CXCR5: variants seen among roughly 807,000 people sequenced by gnomAD.
CXCR5 encodes the protein C-X-C chemokine receptor type 5.
Under a neutral mutation model 5.6 loss-of-function variants are expected in CXCR5, and 3 were observed. The observed-to-expected ratio is 0.54, with a 90% CI of 0.24 to 1.39. The LOEUF is 1.39. Ranked by LOEUF, CXCR5 falls within the 40% of genes most tolerant of loss-of-function variation. The pLI, the probability that CXCR5 is intolerant of heterozygous loss-of-function variation, is 0.16. For synonymous variants in CXCR5, 218 were observed against 219.9 expected (o/e 0.99, Z 0.08); for missense variants, 333 against 494.6 (o/e 0.67, Z 3.10).
At chr11:118,889,839 G>A (rs1294409260) in intron 1 of CXCR5, among the ~76,000 whole-genome samples, 1 of 152,188 alleles carries the variant, frequency 6.6e-6, no homozygotes, top group Non-Finnish European at 1.5e-5. Context: ...ATGTCCCACT[G>A]CATTGACTTT....
Position 118,893,515 on chromosome 11 carries a change from C to A in CXCR5, c.52-81C>A. 6.7e-7 allele frequency: 1 copy of A among 1,499,152 alleles called. No homozygotes were observed. The highest frequency in any genetic ancestry group is 2.3e-5 in the East Asian group (1 of 43,664). The allele number at this position is 1,499,152 out of a possible 1,614,324, so 92.9% of individuals were successfully genotyped here. A position where few individuals can be genotyped will look rare whatever the true frequency, so the allele number is the denominator to read the frequency against. ...TCAGTGGGCCCTATGTAGGAAAAAA[C>A]CTCCAAGAGAGCTAGGGTTCCTCTC... On this transcript the variant is annotated intron_variant, in intron 1 of 1. Transcript: ENST00000292174. The surrounding 1 kb of genome is among the most constrained non-coding windows in gnomAD (Gnocchi z 5.7).
Position 118,894,825 on chromosome 11 carries a change from A to C in CXCR5, c.*162A>C. On this transcript the variant is annotated 3_prime_UTR_variant, in exon 2 of 2. Coordinates refer to ENST00000292174, the MANE Select transcript of CXCR5 (RefSeq NM_001716.5). This position sits in a 1 kb window ranked among gnomAD's most constrained non-coding sequence, Gnocchi z 6.1. ...AGAGGAACCAACCCCCATTTCTAGA[A>C]CATCCCTGCCAGCTCTTCTGCCGGC... The C allele has an allele frequency of 3.3e-6, 2 of 609,004 alleles. No homozygotes were observed. The highest frequency in any genetic ancestry group is 5.1e-6 in the Non-Finnish European group (2 of 388,568). The allele number at this position is 609,004 out of a possible 1,614,324, so 37.7% of individuals were successfully genotyped here. A position where few individuals can be genotyped will look rare whatever the true frequency, so the allele number is the denominator to read the frequency against.
rs759390793 is a variant in CXCR5, at chr11:118,897,691, T to A, written c.*3028T>A. The A allele has an allele frequency of 2.3e-6, 1 of 430,222 alleles. No homozygotes were observed. The allele number at this position is 430,222 out of a possible 1,614,324, so 26.7% of individuals were successfully genotyped here. Reference sequence around the variant, plus strand: ...CAGTGGGTGGCCATGTAGGGCTGCATGTCCCTGGGTCCAGGGGAATGGAGG... The same window carrying A: ...CAGTGGGTGGCCATGTAGGGCTGCAAGTCCCTGGGTCCAGGGGAATGGAGG... On this transcript the variant is annotated 3_prime_UTR_variant, in exon 2 of 2. Coordinates refer to ENST00000292174, the MANE Select transcript of CXCR5 (RefSeq NM_001716.5).
rs1029277859 is a variant in CXCR5 at position 118,897,450 on chromosome 11, C to T, written c.*2787C>T. On this transcript the variant is annotated 3_prime_UTR_variant, in exon 2 of 2. Coordinates refer to ENST00000292174, the MANE Select transcript of CXCR5 (RefSeq NM_001716.5). ...GTGGAAAGCCAGGGCCCCGTGTCAC[C>T]GGTGTGGGCAAACACACATGCACGT... 1.9e-5 allele frequency: 4 copies of T among 209,332 alleles called. No homozygotes were observed. The highest frequency in any genetic ancestry group is 1.1e-4 in the Admixed American group (2 of 18,592). The allele number at this position is 209,332 out of a possible 1,614,324, so 13.0% of individuals were successfully genotyped here. A position where few individuals can be genotyped will look rare whatever the true frequency, so the allele number is the denominator to read the frequency against.
chr11:118,884,406 T>C (rs538924328), intron 1 of CXCR5, among the ~76,000 whole-genome samples: 2 of 152,326 alleles, frequency 1.3e-5, no homozygotes, highest in South Asian at 4.1e-4. Flanking sequence ...AATGAATGCA[T>C]AGCTGTTCGT....
chr11:118,888,238 T>C (rs1939749066), intron 1 of CXCR5, among the ~76,000 whole-genome samples: 1 of 152,144 alleles, frequency 6.6e-6, no homozygotes, highest in African/African-American at 2.4e-5. Context: ...ATCTCATTGC[T>C]GGACAGTTCT....
At chr11:118,888,737 A>G (rs1309914312) in intron 1 of CXCR5, among the ~76,000 whole-genome samples, 1 of 152,130 alleles carries the variant, frequency 6.6e-6, no homozygotes, top group African/African-American at 2.4e-5. Flanking sequence ...ATTTTTCCCC[A>G]TGCAATTTCA....
At chr11:118,888,939 T>C (rs1939764966) in intron 1 of CXCR5, among the ~76,000 whole-genome samples, 1 of 152,192 alleles carries the variant, frequency 6.6e-6, no homozygotes, top group Non-Finnish European at 1.5e-5. Context: ...AGCTCCATGC[T>C]GGCCAGTGCT....
At chr11:118,887,208 C>A (rs1939726493) in intron 1 of CXCR5, 2 of 982,756 alleles carry the variant, frequency 2.0e-6, no homozygotes, top group Non-Finnish European at 2.4e-6. Flanking sequence ...TGCAGCTGAT[C>A]CCACTCCTCT....
chr11:118,885,806 T>C (rs1418972289), intron 1 of CXCR5: 1 of 153,850 alleles, frequency 6.5e-6, no homozygotes, highest in East Asian at 1.9e-4. Flanking sequence ...CCAGTGACTT[T>C]CTTCATGTCA....
Position 118,896,885 on chromosome 11 carries a change from G to A in CXCR5, c.*2222G>A, listed in dbSNP as rs1939942112. ...AGGAAAGGAAGTGAGAAAAGGAGAA[G>A]TTTTTTTACTCCTGGGGCCAAAGTA... On this transcript the variant is annotated 3_prime_UTR_variant, in exon 2 of 2. Coordinates refer to ENST00000292174, the MANE Select transcript of CXCR5 (RefSeq NM_001716.5). 1 of 152,730 alleles carries A rather than the reference G, an allele frequency of 6.5e-6. No homozygotes were observed. The highest frequency in any genetic ancestry group is 6.5e-5 in the Admixed American group (1 of 15,292). 9.5% of individuals were successfully genotyped at this position (152,730 alleles called of 1,614,324 possible).
At chr11:118,886,666 G>A (rs927731869) in intron 1 of CXCR5, 5 of 294,790 alleles carry the variant, frequency 1.7e-5, no homozygotes, top group Non-Finnish European at 3.3e-5. Context: ...CTCGATCTGA[G>A]AGCCTCCTTC....
At position 118,893,593 on chromosome 11, in the gene CXCR5, C is replaced by T; in HGVS notation, c.52-3C>T. Reference sequence around the variant, plus strand: ...TCACCCTCCCGTCTCCTTGCCCTTGCAGTTCTGGGAACTGGACAGATTGGA... The same window carrying T: ...TCACCCTCCCGTCTCCTTGCCCTTGTAGTTCTGGGAACTGGACAGATTGGA... On this transcript the variant is annotated splice_polypyrimidine_tract_variant and splice_region_variant and intron_variant, in intron 1 of 1. Transcript: ENST00000292174. The surrounding 1 kb of genome is among the most constrained non-coding windows in gnomAD (Gnocchi z 5.7). The T allele has an allele frequency of 1.9e-6, 3 of 1,570,778 alleles. No individual in the cohort carries two copies. Among genetic ancestry groups the T allele is most frequent in the Non-Finnish European group, 2.6e-6 (3 of 1,153,606 alleles).
chr11:118,886,776 A>C (rs1015393776), intron 1 of CXCR5: 1 of 193,574 alleles, frequency 5.2e-6, no homozygotes, highest in East Asian at 1.5e-4. Context: ...AAGCTGCTAT[A>C]GCGCACGGTG....
chr11:118,886,503 T>A, intron 1 of CXCR5: 1 of 386,374 alleles, frequency 2.6e-6, no homozygotes, highest in Admixed American at 3.6e-5. Context: ...GGGCTGCTAA[T>A]TCTCATCAAT....
In CXCR5 at chr11:118,893,593, C is replaced by A; in HGVS notation, c.52-3C>A. The A allele has an allele frequency of 6.4e-7, 1 of 1,570,774 alleles. No individual in the cohort carries two copies. The highest frequency in any genetic ancestry group is 8.7e-7 in the Non-Finnish European group (1 of 1,153,604). On this transcript the variant is annotated splice_polypyrimidine_tract_variant and splice_region_variant and intron_variant, in intron 1 of 1. Transcript: ENST00000292174. The surrounding 1 kb of genome is among the most constrained non-coding windows in gnomAD (Gnocchi z 5.7). ...TCACCCTCCCGTCTCCTTGCCCTTGCAGTTCTGGGAACTGGACAGATTGGA... is the reference window on the plus strand; with the variant it reads ...TCACCCTCCCGTCTCCTTGCCCTTGAAGTTCTGGGAACTGGACAGATTGGA...
In CXCR5 at chr11:118,895,411, C is replaced by A. The variant is rs568934021; in HGVS notation, c.*748C>A. ...CAGTGACCTGAGGAAGCGTGAAGGC[C>A]GAGAAGCAAGAAAGAAACCCGACAG... On this transcript the variant is annotated 3_prime_UTR_variant, in exon 2 of 2. Transcript: ENST00000292174. This position sits in a 1 kb window ranked among gnomAD's most constrained non-coding sequence, Gnocchi z 4.2. 1 of 167,042 alleles carries A rather than the reference C, an allele frequency of 6.0e-6. No individual in the cohort carries two copies. The highest frequency in any genetic ancestry group is 2.1e-4 in the South Asian group (1 of 4,826). The allele number at this position is 167,042 out of a possible 1,614,324, so 10.3% of individuals were successfully genotyped here. A position where few individuals can be genotyped will look rare whatever the true frequency, so the allele number is the denominator to read the frequency against.
At position 118,894,033 on chromosome 11, in the gene CXCR5, C is replaced by G. The variant is rs750080878; in HGVS notation, c.489C>G (p.Leu163=). The change falls in exon 2 of 2, where the codon CTC becomes CTG. Residue 163 remains leucine (L), a synonymous_variant. Transcript: ENST00000292174. This position sits in a 1 kb window ranked among gnomAD's most constrained non-coding sequence, Gnocchi z 6.1. The stretch of plus-strand genomic sequence containing the variant: ...TCCATGCCTACCGCCACCGCCGCCT[C>G]CTCTCCATCCACATCACCTGTGGGA... The part of the protein sequence containing the change: ...HAVHAYRHRR[L]LSIHITCGTI... The G allele has an allele frequency of 2.5e-6, 4 of 1,613,950 alleles. No individual in the cohort carries two copies. In the South Asian group the frequency reaches 4.4e-5, roughly 18 times the overall value.
At chr11:118,887,622 C>T (rs975703317) in intron 1 of CXCR5, 43 of 172,946 alleles carry the variant, frequency 2.5e-4, no homozygotes, top group African/African-American at 3.4e-4. Context: ...AAGCCAGAGT[C>T]TCAGATGGTC....
Sources: gnomAD v4.1 joint callset for allele counts (sites outside exome capture counted in the v4.1 genomes callset) on GRCh38, gnomAD v4.1.1 for gene constraint, Gnocchi (gnomAD v3.1) non-coding constraint, MANE v1.5 for transcripts, NCBI Gene and HGNC (gene_info 2026-07-23, HGNC 2026-07-21) for gene names.